Variants in FBXL7 observed in about 807,000 individuals in gnomAD.
FBXL7 encodes the protein F-box and leucine rich repeat protein 7.
In FBXL7, 12 loss-of-function variants were observed where a neutral mutation model predicts 38.3. The observed-to-expected ratio is 0.31, with a 90% CI of 0.20 to 0.51. The LOEUF (loss-of-function observed/expected upper bound fraction) is 0.51. Ranked by LOEUF, FBXL7 falls within the 20% of genes least tolerant of loss-of-function variation. The pLI, the probability that FBXL7 is intolerant of heterozygous loss-of-function variation, is 0.98. For synonymous variants in FBXL7, 297 were observed against 300.9 expected (o/e 0.99, Z 0.13); for missense variants, 567 against 676.4 (o/e 0.84, Z 1.79).
intron 3 of FBXL7, among the ~76,000 whole-genome samples, chr5:15,930,440 G>A (rs982803794): frequency 6.6e-6 from 1 of 152,040 alleles, no homozygotes; most frequent in East Asian, 1.9e-4. Flanking sequence ...TTTGTAAAAG[G>A]TGCTTCCCAT....
intron 2 of FBXL7, among the ~76,000 whole-genome samples, chr5:15,688,930 C>T (rs2126619174): frequency 6.6e-6 from 1 of 152,258 alleles, no homozygotes; most frequent in Non-Finnish European, 1.5e-5. Context: ...GAGGAGGAAC[C>T]CTCTAGAATC....
At chr5:15,667,790 G>A (rs1742334832) in intron 2 of FBXL7, among the ~76,000 whole-genome samples, 1 of 152,092 alleles carries the variant, frequency 6.6e-6, no homozygotes, top group South Asian at 2.1e-4. Context: ...CCAGTCCTGA[G>A]ATGTGCTCCA....
intron 1 of FBXL7, chr5:15,602,407 A>T (rs1459304754): frequency 6.6e-6 from 1 of 151,980 alleles, no homozygotes; most frequent in Non-Finnish European, 1.5e-5. Context: ...TGGACCAGGG[A>T]TATTCCATTA....
At chr5:15,589,433 G>A (rs965248045) in intron 1 of FBXL7, among the ~76,000 whole-genome samples, 1 of 152,040 alleles carries the variant, frequency 6.6e-6, no homozygotes, top group East Asian at 1.9e-4. Flanking sequence ...CTCCAGCCAG[G>A]CAAGTTGTGC....
At chr5:15,694,719 T>C (rs1743280205) in intron 2 of FBXL7, among the ~76,000 whole-genome samples, 1 of 152,142 alleles carries the variant, frequency 6.6e-6, no homozygotes, top group Non-Finnish European at 1.5e-5. Flanking sequence ...AAATAACCTA[T>C]TCATACGTGC....
At chr5:15,605,237 A>C (rs1739965222) in intron 1 of FBXL7, among the ~76,000 whole-genome samples, 1 of 152,202 alleles carries the variant, frequency 6.6e-6, no homozygotes, top group Non-Finnish European at 1.5e-5. Flanking sequence ...AACAACAAGC[A>C]GTAGAAGTTC....
chr5:15,761,639 G>C (rs1220658872), intron 2 of FBXL7, among the ~76,000 whole-genome samples: 5 of 152,268 alleles, frequency 3.3e-5, no homozygotes, highest in South Asian at 4.1e-4. Context: ...CATCTCCTGG[G>C]CTCAGGTGAT....
At position 15,691,887 on chromosome 5, in the gene FBXL7, G is replaced by A. The variant is rs377129674; in HGVS notation, c.127+75815G>A. Among the ~76,000 whole-genome samples the A allele has an allele frequency of 5.3e-4, 80 of 152,290 alleles. 1 individual carries two copies. The highest frequency in any genetic ancestry group is 3.8e-3 in the Admixed American group (58 of 15,296). On this transcript the variant is annotated intron_variant, in intron 2 of 3. Transcript: ENST00000504595. ...ATGGAACCTATGCACAGGGACTCCC[G>A]CATCGCTGGATTTGGATGGTAGAAG...
At chr5:15,862,659 C>T (rs1739526567) in intron 2 of FBXL7, among the ~76,000 whole-genome samples, 1 of 152,174 alleles carries the variant, frequency 6.6e-6, no homozygotes, top group African/African-American at 2.4e-5. Flanking sequence ...GATGCTCTTT[C>T]CTGTATTTCA....
At chr5:15,632,182 G>A (rs1050984509) in intron 2 of FBXL7, among the ~76,000 whole-genome samples, 9 of 151,990 alleles carry the variant, frequency 5.9e-5, no homozygotes, top group African/African-American at 2.2e-4. Context: ...CATCAAATGG[G>A]GATATAATAT....
chr5:15,767,024 C>T (rs1035883261), intron 2 of FBXL7, among the ~76,000 whole-genome samples: 6 of 151,856 alleles, frequency 4.0e-5, no homozygotes, highest in African/African-American at 1.5e-4. Context: ...TTTTAAGTTC[C>T]GGGGTACCCG....
rs1013492688 is a variant in FBXL7, at chr5:15,620,411, T to G, written c.127+4339T>G. Among the ~76,000 whole-genome samples the G allele has an allele frequency of 2.5e-4, 27 of 109,508 alleles. 1 individual carries two copies. The highest frequency in any genetic ancestry group is 5.8e-4 in the African/African-American group (19 of 32,784). The allele number at this position is 109,508 out of a possible 152,430, so 71.8% of individuals were successfully genotyped here. On this transcript the variant is annotated intron_variant, in intron 2 of 3. Transcript: ENST00000504595. ...CCACGCCCAGCTAATTTTTTGTTTTTTGTTTTTTTTTTTTTTTAAGTAGAA... is the reference window on the plus strand; with the variant it reads ...CCACGCCCAGCTAATTTTTTGTTTTGTGTTTTTTTTTTTTTTTAAGTAGAA...
At position 15,855,382 on chromosome 5, in the gene FBXL7, C is replaced by T. The variant is rs73062147; in HGVS notation, c.128-72508C>T. Among the ~76,000 whole-genome samples the T allele has an allele frequency of 5.1e-3, 771 of 152,248 alleles. 11 individuals carry two copies. Among genetic ancestry groups the T allele is most frequent in the African/African-American group, 0.018 (731 of 41,538 alleles). On this transcript the variant is annotated intron_variant, in intron 2 of 3. Coordinates refer to ENST00000504595, the MANE Select transcript of FBXL7 (RefSeq NM_012304.5). The stretch of plus-strand genomic sequence containing the variant: ...ATATATAGAAATAACTCTCACTTCA[C>T]TATGTGGTGCTTTACTGTTTTATAG...
chr5:15,565,538 C>G (rs11958980), intron 1 of FBXL7, among the ~76,000 whole-genome samples: 3,343 of 150,576 alleles, frequency 0.022, 116 homozygotes, highest in African/African-American at 0.075. Context: ...TAATTATAAT[C>G]TTTATATATA....
At position 15,816,785 on chromosome 5, in the gene FBXL7, T is replaced by G. The variant is rs1032757888; in HGVS notation, c.128-111105T>G. The stretch of plus-strand genomic sequence containing the variant: ...TTTTGTAACTGTAAATTTGAAAAGC[T>G]GCTTAATTTTTTATTGTGATGGCAA... On this transcript the variant is annotated intron_variant, in intron 2 of 3. Coordinates refer to ENST00000504595, the MANE Select transcript of FBXL7 (RefSeq NM_012304.5). 9.2e-5 allele frequency among the ~76,000 whole-genome samples: 14 copies of G among 152,368 alleles called. No individual in the cohort carries two copies. The East Asian group carries it at 2.5e-3, about 27-fold the overall frequency.
chr5:15,563,926 A>G (rs1738487643), intron 1 of FBXL7, among the ~76,000 whole-genome samples: 2 of 152,192 alleles, frequency 1.3e-5, no homozygotes, highest in South Asian at 4.1e-4. Flanking sequence ...GGGTGCTTAT[A>G]TCCAGTCACT....
At chr5:15,930,459 AAT>A (rs1742009906) in intron 3 of FBXL7, among the ~76,000 whole-genome samples, 1 of 152,204 alleles carries the variant, frequency 6.6e-6, no homozygotes. Context: ...ATGCACTCTT[AAT>A]ACAGGCTGCA....
intron 2 of FBXL7, among the ~76,000 whole-genome samples, chr5:15,919,422 T>C (rs1741683155): frequency 7.5e-6 from 1 of 133,616 alleles, no homozygotes; most frequent in Admixed American, 9.2e-5. Flanking sequence ...CATGAGAAAG[T>C]TTTTAGGATT....
chr5:15,924,191 A>G, intron 2 of FBXL7, among the ~76,000 whole-genome samples: 1 of 152,224 alleles, frequency 6.6e-6, no homozygotes, highest in East Asian at 1.9e-4. Flanking sequence ...TATTCATTCT[A>G]GATGATTACC....
Sources: allele counts gnomAD v4.1 joint callset (sites outside exome capture counted in the v4.1 genomes callset), GRCh38; gene constraint gnomAD v4.1.1; transcripts MANE v1.5; gene names NCBI Gene and HGNC (gene_info 2026-07-23, HGNC 2026-07-21).